Variants in KCTD1 observed in about 807,000 individuals in gnomAD.
KCTD1 encodes the protein BTB/POZ domain-containing protein KCTD1.
KCTD1 carries 24 observed loss-of-function variants against 66.0 expected under a neutral mutation model. The ratio of observed to expected loss-of-function variants is 0.36; its 90% CI spans 0.26 to 0.51. The LOEUF (loss-of-function observed/expected upper bound fraction) is 0.51, where lower values mean the gene tolerates loss of function less well. Among genes scored for constraint, KCTD1 ranks in the 20% least tolerant of loss-of-function variants. KCTD1 has a pLI of 0.95. For missense variants in KCTD1, 943 were observed against 1,205.2 expected (o/e 0.78, Z 3.22); for synonymous variants, 511 against 517.2 (o/e 0.99, Z 0.16).
rs75357237 is a variant in KCTD1 at position 26,536,923 on chromosome 18, T to TAA, written c.1809+9803_1809+9804dup. ...TGACTCCATGATCCTTTTCATAAAT[T>TAA]AAAAAAAAAAAACCCACGAGACACA... On this transcript the variant is annotated intron_variant, in intron 1 of 4. Transcript: ENST00000580059. Among the ~76,000 whole-genome samples, 84 of 142,276 alleles carry TAA rather than the reference T, an allele frequency of 5.9e-4. 1 individual carries two copies. The highest frequency in any genetic ancestry group is 3.1e-3 in the Admixed American group (45 of 14,310). The allele number at this position is 142,276 out of a possible 152,430, so 93.3% of individuals were successfully genotyped here.
chr18:26,595,572 G>C (rs1986747369), intron 1 of KCTD1, among the ~76,000 whole-genome samples: 1 of 152,192 alleles, frequency 6.6e-6, no homozygotes, highest in African/African-American at 2.4e-5. Flanking sequence ...AAGTGACTTT[G>C]GGATAAGAAG....
At chr18:26,463,699 G>A (rs960130331) in intron 3 of KCTD1, among the ~76,000 whole-genome samples, 1 of 152,094 alleles carries the variant, frequency 6.6e-6, no homozygotes, top group Non-Finnish European at 1.5e-5. Flanking sequence ...ACTACGCCCG[G>A]CTAATTTTTG....
intron 1 of KCTD1, among the ~76,000 whole-genome samples, chr18:26,652,247 G>A (rs1430153072): frequency 1.3e-5 from 2 of 152,042 alleles, no homozygotes; most frequent in South Asian, 2.1e-4. Context: ...AGATGACATC[G>A]TTCCCATTTT....
At chr18:26,625,874 G>A (rs1260059693) in intron 1 of KCTD1, among the ~76,000 whole-genome samples, 2 of 152,100 alleles carry the variant, frequency 1.3e-5, no homozygotes, top group African/African-American at 2.4e-5. Context: ...ACCCTGGCCA[G>A]ACCATATATT....
At chr18:26,616,108 G>A (rs1987244809) in intron 1 of KCTD1, among the ~76,000 whole-genome samples, 1 of 150,516 alleles carries the variant, frequency 6.6e-6, no homozygotes. Context: ...GCTTTTAATT[G>A]TCATGGCAGA....
At chr18:26,499,957 G>A (rs551100444) in intron 2 of KCTD1, among the ~76,000 whole-genome samples, 60 of 152,312 alleles carry the variant, frequency 3.9e-4, no homozygotes, top group African/African-American at 1.4e-3. Context: ...GGGTAGAAAG[G>A]AAATTATTTC....
chr18:26,583,930 A>G (rs1986415232), intron 1 of KCTD1, among the ~76,000 whole-genome samples: 1 of 152,188 alleles, frequency 6.6e-6, no homozygotes, highest in South Asian at 2.1e-4. Context: ...CTGTAAATGA[A>G]TGTCAGGCAT....
intron 1 of KCTD1, among the ~76,000 whole-genome samples, chr18:26,585,842 G>A (rs1986460523): frequency 6.6e-6 from 1 of 152,160 alleles, no homozygotes; most frequent in African/African-American, 2.4e-5. Flanking sequence ...AAAAAGTACA[G>A]GTATGCTTGG....
At chr18:26,461,740 G>T (rs934435832) in intron 3 of KCTD1, among the ~76,000 whole-genome samples, 2 of 152,230 alleles carry the variant, frequency 1.3e-5, no homozygotes, top group Non-Finnish European at 2.9e-5. Flanking sequence ...CAAGAGAAGC[G>T]AGAACTTATG....
rs12456580 is a variant in KCTD1 at position 26,468,642 on chromosome 18, G to A, written c.2133+7873C>T. Among the ~76,000 whole-genome samples, 3,184 of 152,226 alleles carry A rather than the reference G, an allele frequency of 0.021. 46 individuals carry two copies. The highest frequency in any genetic ancestry group is 0.065 in the Middle Eastern group (19 of 292). ...AGGTCAGGAGTTTGAGACCAGCCTG[G>A]CCAACATGGTGAAACCCCATCTGTA... On this transcript the variant is annotated intron_variant, in intron 3 of 4. Transcript: ENST00000580059. This position sits in a 1 kb window ranked among gnomAD's most constrained non-coding sequence, Gnocchi z 4.8.
chr18:26,653,917 T>C lies in KCTD1; in HGVS notation c.9+3443A>G, dbSNP rs141798670. Among the ~76,000 whole-genome samples the C allele has an allele frequency of 4.5e-3, 688 of 152,316 alleles. 3 individuals are homozygous for C. The highest frequency in any genetic ancestry group is 0.015 in the African/African-American group (630 of 41,562). ...AAAGATGGAGCAAATAAATGCTCTG[T>C]TTGCTTGGGAAATTATAAACTGCAG... On this transcript the variant is annotated intron_variant, in intron 1 of 4. Transcript: ENST00000580191.
At chr18:26,504,664 T>A (rs574533213) in intron 1 of KCTD1, among the ~76,000 whole-genome samples, 48 of 152,268 alleles carry the variant, frequency 3.2e-4, no homozygotes, top group African/African-American at 1.1e-3. Flanking sequence ...TGAGCCACTG[T>A]ACCTGATATA....
intron 4 of KCTD1, chr18:26,457,902 C>T (rs779129570): frequency 2.0e-5 from 3 of 152,238 alleles, no homozygotes; most frequent in Non-Finnish European, 4.4e-5. Context: ...GGGAAACTGT[C>T]AAGCACATGA....
intron 1 of KCTD1, among the ~76,000 whole-genome samples, chr18:26,577,136 C>T (rs1986243202): frequency 6.6e-6 from 1 of 152,090 alleles, no homozygotes; most frequent in Admixed American, 6.5e-5. Flanking sequence ...TTCCATCTTG[C>T]CCCATCAACC....
upstream of KCTD1, among the ~76,000 whole-genome samples, chr18:26,644,766 AAGAGAGAGAG>A (rs538078418): frequency 2.0e-5 from 3 of 150,058 alleles, no homozygotes; most frequent in South Asian, 4.2e-4. Flanking sequence ...AAAAAAAAAA[AAGAGAGAGAG>A]AGAGAGAGAG....
chr18:26,641,069 C>A (rs902603058), upstream of KCTD1, among the ~76,000 whole-genome samples: 1 of 152,164 alleles, frequency 6.6e-6, no homozygotes, highest in South Asian at 2.1e-4. Flanking sequence ...CTTTTAAAAT[C>A]GTTTTTACCT....
At chr18:26,565,577 G>C (rs1302331262) in intron 1 of KCTD1, 2 of 152,078 alleles carry the variant, frequency 1.3e-5, no homozygotes, top group African/African-American at 4.8e-5. Flanking sequence ...CATTTTGTGG[G>C]CATTCATTTG....
chr18:26,563,817 T>C (rs1318363808), intron 1 of KCTD1, among the ~76,000 whole-genome samples: 1 of 152,222 alleles, frequency 6.6e-6, no homozygotes, highest in Non-Finnish European at 1.5e-5. Context: ...TGCTTATTCA[T>C]GTTAGCAATG....
chr18:26,576,849 A>T (rs1188951444), intron 1 of KCTD1, among the ~76,000 whole-genome samples: 2 of 152,180 alleles, frequency 1.3e-5, no homozygotes, highest in Non-Finnish European at 2.9e-5. Context: ...TGTTCAATGC[A>T]CTTGTTTTAA....
Sources: gnomAD v4.1 joint callset for allele counts (sites outside exome capture counted in the v4.1 genomes callset) on GRCh38, gnomAD v4.1.1 for gene constraint, Gnocchi (gnomAD v3.1) non-coding constraint, MANE v1.5 for transcripts, NCBI Gene and HGNC (gene_info 2026-07-23, HGNC 2026-07-21) for gene names.